Variants in BTRC observed in about 807,000 individuals in gnomAD.
The protein encoded by BTRC is F-box/WD repeat-containing protein 1A.
A neutral mutation model predicts 85.5 loss-of-function variants in BTRC; 42 were observed. The observed-to-expected ratio is 0.49, with a 90% CI of 0.38 to 0.64. The LOEUF is 0.64. Among genes scored for constraint, BTRC ranks in the 30% least tolerant of loss-of-function variants. BTRC has a pLI of 0.00. For missense variants in BTRC, 594 were observed against 743.5 expected (o/e 0.80, Z 2.34); for synonymous variants, 255 against 263.3 (o/e 0.97, Z 0.30).
rs869163139 is a variant in BTRC at position 101,473,465 on chromosome 10, CTTTTTTTTT to C, written c.235-5888_235-5880del. Among the ~76,000 whole-genome samples the C allele has an allele frequency of 5.2e-5, 5 of 96,772 alleles. No homozygotes were observed. In the South Asian group the frequency reaches 1.5e-3, roughly 29 times the overall value. 63.5% of individuals were successfully genotyped at this position (96,772 alleles called of 152,430 possible). On this transcript the variant is annotated intron_variant, in intron 3 of 14. Transcript: ENST00000370187. ...TACCCAACTAATTTTTCTTTTTTCT[CTTTTTTTTT>C]TTTTTTTTTTTTTTGAGACAGAATC...
chr10:101,515,170 G>T (rs1278646154), intron 4 of BTRC, among the ~76,000 whole-genome samples: 1 of 151,858 alleles, frequency 6.6e-6, no homozygotes, highest in Non-Finnish European at 1.5e-5. Flanking sequence ...CAGCCAGGCT[G>T]GTCTCAAACT....
chr10:101,548,841 TC>T (rs2062600256), intron 13 of BTRC, among the ~76,000 whole-genome samples: 1 of 151,872 alleles, frequency 6.6e-6, no homozygotes, highest in African/African-American at 2.4e-5. Flanking sequence ...GATCACGAGG[TC>T]AGGAGATCGA....
intron 1 of BTRC, among the ~76,000 whole-genome samples, chr10:101,366,907 TTA>T (rs1942430474): frequency 7.0e-5 from 2 of 28,582 alleles, no homozygotes; most frequent in African/African-American, 1.3e-4. Flanking sequence ...TTTATATATA[TTA>T]ATATATATTT....
intron 2 of BTRC, among the ~76,000 whole-genome samples, chr10:101,431,797 A>T (rs1944410830): frequency 6.6e-6 from 1 of 152,146 alleles, no homozygotes; most frequent in Non-Finnish European, 1.5e-5. Context: ...ATAAAGCTGG[A>T]TATTTTCATT....
intron 1 of BTRC, among the ~76,000 whole-genome samples, chr10:101,359,846 C>T (rs575765736): frequency 1.5e-3 from 230 of 152,210 alleles, no homozygotes; most frequent in African/African-American, 5.4e-3. Flanking sequence ...GTGATCTGCC[C>T]GCCTTGGCCT....
Position 101,526,184 on chromosome 10 carries a change from C to T in BTRC, c.728C>T (p.Ala243Val). 1 of 1,613,916 alleles carries T rather than the reference C, an allele frequency of 6.2e-7. No individual in the cohort carries two copies. The highest frequency in any genetic ancestry group is 1.1e-5 in the South Asian group (1 of 91,044). ...ACAGATTCTCTGTGGAGAGGCCTGGCAGAACGAAGAGGATGGTGAGCCTTT... is the reference window on the plus strand; with the variant it reads ...ACAGATTCTCTGTGGAGAGGCCTGGTAGAACGAAGAGGATGGTGAGCCTTT... ...VRTDSLWRGL[A>V]ERRGWGQYLF... The change falls in exon 6 of 15, where the codon GCA becomes GTA. Residue 243 changes from alanine to valine, a missense_variant. This residue lies in a region of BTRC where 373 missense variants were observed against 503.6 expected (regional missense o/e 0.74). Coordinates refer to ENST00000370187, the MANE Select transcript of BTRC (RefSeq NM_033637.4).
intron 4 of BTRC, among the ~76,000 whole-genome samples, chr10:101,510,366 C>T (rs1433018003): frequency 1.3e-5 from 2 of 151,626 alleles, no homozygotes; most frequent in African/African-American, 4.8e-5. Context: ...AAAATTTAGC[C>T]GAGCGTGGTG....
intron 12 of BTRC, among the ~76,000 whole-genome samples, chr10:101,537,135 T>C (rs1371200355): frequency 6.6e-6 from 1 of 152,168 alleles, no homozygotes. Flanking sequence ...CATTTATGAG[T>C]TTAGTCATCT....
intron 4 of BTRC, among the ~76,000 whole-genome samples, chr10:101,509,290 T>C (rs1209785401): frequency 1.5e-5 from 2 of 131,174 alleles, no homozygotes; most frequent in Non-Finnish European, 3.2e-5. Context: ...AGTCTCGCTC[T>C]GTCGCCCAGG....
chr10:101,387,985 C>T (rs555738116), intron 1 of BTRC, among the ~76,000 whole-genome samples: 17 of 152,032 alleles, frequency 1.1e-4, no homozygotes, highest in East Asian at 7.8e-4. Context: ...CCACCATGCC[C>T]GGCCTTTGGA....
intron 13 of BTRC, among the ~76,000 whole-genome samples, chr10:101,546,411 TTAA>T: frequency 6.6e-6 from 1 of 152,204 alleles, no homozygotes. Context: ...GTATTTTTTT[TTAA>T]TTTTTACTTT....
chr10:101,536,621 TAAC>T lies in BTRC; in HGVS notation c.1548_1550del (p.Asn516del). 6.2e-7 allele frequency: 1 copy of T among 1,613,724 alleles called. No individual in the cohort carries two copies. Among genetic ancestry groups the T allele is most frequent in the Non-Finnish European group, 8.5e-7 (1 of 1,179,648 alleles). ...AATTGGTGCGTTGTATTCGATTTGATAACAAGAGGATAGTCAGTGGGGCCTATG... is the reference window on the plus strand; with the variant it reads ...AATTGGTGCGTTGTATTCGATTTGATAAGAGGATAGTCAGTGGGGCCTATG... On this transcript the variant is annotated inframe_deletion, in exon 12 of 15. Transcript: ENST00000370187.
chr10:101,360,895 T>A (rs552680355), intron 1 of BTRC, among the ~76,000 whole-genome samples: 1 of 152,256 alleles, frequency 6.6e-6, no homozygotes, highest in African/African-American at 2.4e-5. Flanking sequence ...AGCCTCAAAC[T>A]CCTGGGCTGA....
At chr10:101,507,233 A>G (rs558001400) in intron 4 of BTRC, among the ~76,000 whole-genome samples, 26 of 152,322 alleles carry the variant, frequency 1.7e-4, no homozygotes, top group Middle Eastern at 3.4e-3. Context: ...TTTAAATATA[A>G]GTAACACGCA....
chr10:101,355,567 C>G (rs1283547513), intron 1 of BTRC, among the ~76,000 whole-genome samples: 2 of 152,100 alleles, frequency 1.3e-5, no homozygotes, highest in African/African-American at 2.4e-5. Flanking sequence ...GCCTTAGGGA[C>G]ATTGATATTA....
chr10:101,382,015 C>T (rs1357049138), intron 1 of BTRC, among the ~76,000 whole-genome samples: 5 of 94,084 alleles, frequency 5.3e-5, no homozygotes, highest in Non-Finnish European at 7.3e-5. Context: ...TGGCGTCTTG[C>T]TCTGTTGCCT....
chr10:101,417,043 T>A (rs915978336), intron 1 of BTRC, among the ~76,000 whole-genome samples: 4 of 152,302 alleles, frequency 2.6e-5, no homozygotes, highest in African/African-American at 9.6e-5. Context: ...AGAATAAGGT[T>A]CTGACATGAT....
At chr10:101,467,894 A>G (rs1478423877) in intron 3 of BTRC, among the ~76,000 whole-genome samples, 7 of 152,208 alleles carry the variant, frequency 4.6e-5, no homozygotes, top group Non-Finnish European at 8.8e-5. Context: ...ACTTATTTTA[A>G]ATAGTCCATG....
chr10:101,429,784 C>A (rs913005477), intron 1 of BTRC, among the ~76,000 whole-genome samples: 1 of 144,498 alleles, frequency 6.9e-6, no homozygotes, highest in African/African-American at 2.6e-5. Flanking sequence ...AGCAGACTAA[C>A]AAGATACATA....
Sources: gnomAD v4.1 joint callset for allele counts (sites outside exome capture counted in the v4.1 genomes callset) on GRCh38, gnomAD v4.1.1 for gene constraint, gnomAD v4.1.1 regional missense constraint, MANE v1.5 for transcripts, NCBI Gene and HGNC (gene_info 2026-07-23, HGNC 2026-07-21) for gene names.